Variants in TXNRD3 observed in about 807,000 individuals in gnomAD.
TXNRD3 encodes the protein TXNRD3 neighbor gene protein.
A neutral mutation model predicts 78.2 loss-of-function variants in TXNRD3; 68 were observed. The ratio of observed to expected loss-of-function variants is 0.87; its 90% CI spans 0.72 to 1.06. The LOEUF is 1.06. Among genes scored for constraint, TXNRD3 ranks in the 50% least tolerant of loss-of-function variants. TXNRD3 has a pLI of 0.00. For synonymous variants in TXNRD3, 296 were observed against 300.1 expected, an observed-to-expected ratio of 0.99 and a Z score of 0.14; for missense variants, 751 against 809.5, an observed-to-expected ratio of 0.93 and a Z score of 0.88.
chr3:126,623,135 T>G (rs1020112315), intron 10 of TXNRD3, among the ~76,000 whole-genome samples: 7 of 152,222 alleles, frequency 4.6e-5, no homozygotes, highest in Non-Finnish European at 1.0e-4. Context: ...CCACACAGTC[T>G]GCGGTATTTT....
chr3:126,654,845 G>A lies in TXNRD3; in HGVS notation c.146C>T (p.Ser49Phe). The change falls in exon 1 of 16, where the codon TCC becomes TTC. Residue 49 changes from serine to phenylalanine, a missense_variant. By Grantham distance (155) the Ser-to-Phe change is radical. Transcript: ENST00000524230. The stretch of plus-strand genomic sequence containing the variant: ...GCGGCGCAGCTCCTCGCGGGCCTCG[G>A]ACGAGCGGCTGGGCCCGGGGGACGA... 7.3e-7 allele frequency: 1 copy of A among 1,369,822 alleles called. No individual in the cohort carries two copies. The highest frequency in any genetic ancestry group is 9.4e-7 in the Non-Finnish European group (1 of 1,066,932). 84.9% of individuals were successfully genotyped at this position (1,369,822 alleles called of 1,614,324 possible). A position where few individuals can be genotyped will look rare whatever the true frequency, so the allele number is the denominator to read the frequency against.
chr3:126,624,003 C>A (rs1379746051), intron 10 of TXNRD3, among the ~76,000 whole-genome samples: 1 of 151,904 alleles, frequency 6.6e-6, no homozygotes, highest in Non-Finnish European at 1.5e-5. Flanking sequence ...TTTAAAAATG[C>A]CATTTATGTT....
chr3:126,645,662 T>C (rs1051340682), intron 3 of TXNRD3, among the ~76,000 whole-genome samples: 2 of 152,190 alleles, frequency 1.3e-5, no homozygotes, highest in African/African-American at 4.8e-5. Flanking sequence ...TTTTTATCTA[T>C]CACTGCTTAC....
intron 12 of TXNRD3, among the ~76,000 whole-genome samples, chr3:126,617,592 G>C (rs1158767470): frequency 6.6e-6 from 1 of 152,202 alleles, no homozygotes; most frequent in African/African-American, 2.4e-5. Flanking sequence ...AACAACTGGA[G>C]AAATTCAGAA....
intron 1 of TXNRD3, among the ~76,000 whole-genome samples, chr3:126,651,971 T>C (rs1933402267): frequency 6.6e-6 from 1 of 152,306 alleles, no homozygotes; most frequent in South Asian, 2.1e-4. Context: ...AAAAGAACGA[T>C]AGAAGCAAAT....
intron 3 of TXNRD3, among the ~76,000 whole-genome samples, chr3:126,645,774 A>G (rs1933214304): frequency 6.6e-6 from 1 of 152,178 alleles, no homozygotes; most frequent in African/African-American, 2.4e-5. Flanking sequence ...CAGGAATTCT[A>G]ATTGTCCTAG....
intron 6 of TXNRD3, among the ~76,000 whole-genome samples, chr3:126,641,011 A>G (rs1279424611): frequency 2.6e-5 from 4 of 152,152 alleles, no homozygotes; most frequent in African/African-American, 9.7e-5. Context: ...ACCTAACATA[A>G]AAGTACATCT....
At position 126,607,317 on chromosome 3, in the gene TXNRD3, G is replaced by C. The variant is rs1196538593; in HGVS notation, c.*588C>G. 2 of 152,258 alleles carry C rather than the reference G, an allele frequency of 1.3e-5. No homozygotes were observed. The highest frequency in any genetic ancestry group is 4.8e-5 in the African/African-American group (2 of 41,396). The allele number at this position is 152,258 out of a possible 1,614,324, so 9.4% of individuals were successfully genotyped here. A position where few individuals can be genotyped will look rare whatever the true frequency, so the allele number is the denominator to read the frequency against. ...AGGGTGAAGCATGAGTCAGCGTTTT[G>C]ACAGTAGGTTAAATGTGCCTCAAAA... On this transcript the variant is annotated 3_prime_UTR_variant, in exon 16 of 16. Transcript: ENST00000524230.
At chr3:126,620,090 T>C (rs1303779498) in intron 12 of TXNRD3, among the ~76,000 whole-genome samples, 2 of 151,506 alleles carry the variant, frequency 1.3e-5, no homozygotes, top group African/African-American at 4.9e-5. Flanking sequence ...GGTTAGGAGA[T>C]TGAGACCATC....
chr3:126,623,563 A>T (rs1318943987), intron 10 of TXNRD3, among the ~76,000 whole-genome samples: 1 of 152,240 alleles, frequency 6.6e-6, no homozygotes, highest in Non-Finnish European at 1.5e-5. Context: ...CATCAATGTA[A>T]TTCATCATAT....
intron 1 of TXNRD3, among the ~76,000 whole-genome samples, chr3:126,651,719 G>A (rs1038188165): frequency 3.3e-5 from 5 of 152,118 alleles, no homozygotes; most frequent in South Asian, 2.1e-4. Context: ...GTGAGCATAC[G>A]AACTAGTGTG....
At chr3:126,636,054 T>G (rs1271571666) in intron 6 of TXNRD3, among the ~76,000 whole-genome samples, 1 of 152,078 alleles carries the variant, frequency 6.6e-6, no homozygotes, top group Non-Finnish European at 1.5e-5. Context: ...GCCTCAGCCT[T>G]TCGAGTAGCT....
chr3:126,614,096 A>T (rs1013581006), intron 13 of TXNRD3, among the ~76,000 whole-genome samples: 6 of 152,238 alleles, frequency 3.9e-5, no homozygotes, highest in African/African-American at 1.4e-4. Flanking sequence ...ATAAACAAGA[A>T]GTAAAAAAAT....
At chr3:126,647,144 A>G in intron 2 of TXNRD3, 92 bp downstream of exon 2, 1 of 994,624 alleles carries the variant, frequency 1.0e-6, no homozygotes, top group Non-Finnish European at 1.4e-6. Context: ...CCCGAAGACA[A>G]GAGTAATCTG....
intron 1 of TXNRD3, among the ~76,000 whole-genome samples, chr3:126,649,053 G>C (rs1384819236): frequency 6.6e-6 from 1 of 152,176 alleles, no homozygotes; most frequent in Non-Finnish European, 1.5e-5. Context: ...GAGTAGAGAG[G>C]TGACCCAAGG....
chr3:126,616,347 T>C (rs1235203777), intron 12 of TXNRD3, among the ~76,000 whole-genome samples: 2 of 152,158 alleles, frequency 1.3e-5, no homozygotes, highest in African/African-American at 2.4e-5. Flanking sequence ...TCCCTGCCAA[T>C]GGCCACAAGT....
At position 126,649,154 on chromosome 3, in the gene TXNRD3, T is replaced by G. The variant is rs373365949; in HGVS notation, c.244-1858A>C. ...CTCCTAAAACTCAAGAACAAAAAAG[T>G]TAAAACCCCAACTTAAAAATGGGAA... On this transcript the variant is annotated intron_variant, in intron 1 of 15. Transcript: ENST00000524230. Among the ~76,000 whole-genome samples, 5 of 152,254 alleles carry G rather than the reference T, an allele frequency of 3.3e-5. No individual in the cohort carries two copies. In the South Asian group the frequency reaches 1.0e-3, roughly 32 times the overall value.
intron 11 of TXNRD3, 103 bp from the exon 12 acceptor site, chr3:126,622,001 T>A: frequency 1.1e-6 from 1 of 949,240 alleles, no homozygotes; most frequent in Non-Finnish European, 1.4e-6. Context: ...GAAGACCTCT[T>A]AAAATTCACG....
chr3:126,635,575 C>A (rs952281918), intron 6 of TXNRD3, among the ~76,000 whole-genome samples: 1 of 151,860 alleles, frequency 6.6e-6, no homozygotes, highest in Non-Finnish European at 1.5e-5. Context: ...TTTTTCAAAA[C>A]GAATTTTAAA....
Sources: gnomAD v4.1 joint callset for allele counts (sites outside exome capture counted in the v4.1 genomes callset) on GRCh38, gnomAD v4.1.1 for gene constraint, MANE v1.5 for transcripts, NCBI Gene and HGNC (gene_info 2026-07-23, HGNC 2026-07-21) for gene names.